The following PDE3A variants were observed in gnomAD, a reference collection of about 807,000 sequenced individuals.
The protein encoded by PDE3A is phosphodiesterase 3A, also known as cGMP-inhibited 3',5'-cyclic phosphodiesterase 3A.
PDE3A carries 43 observed loss-of-function variants against 98.3 expected under a neutral mutation model. The observed-to-expected ratio is 0.44, with a 90% confidence interval of 0.34 to 0.56. The LOEUF is 0.56. Ranked by LOEUF, PDE3A falls within the 20% of genes least tolerant of loss-of-function variation. The pLI is 0.01. For missense variants in PDE3A, 1,427 were observed against 1,440.7 expected (o/e 0.99, Z 0.15); for synonymous variants, 663 against 567.9 (o/e 1.17, Z -2.38).
At chr12:20,462,509 C>G (rs1053771355) in intron 1 of PDE3A, among the ~76,000 whole-genome samples, 1 of 151,996 alleles carries the variant, frequency 6.6e-6, no homozygotes, top group African/African-American at 2.4e-5. Flanking sequence ...CAACAAAAAT[C>G]GAATTTTTTT....
chr12:20,478,690 T>C (rs984336630), intron 1 of PDE3A, among the ~76,000 whole-genome samples: 1 of 152,202 alleles, frequency 6.6e-6, no homozygotes, highest in Non-Finnish European at 1.5e-5. Flanking sequence ...TGAAATATAA[T>C]TAAAATGACA....
intron 2 of PDE3A, among the ~76,000 whole-genome samples, chr12:20,588,106 G>A (rs1426095238): frequency 6.6e-6 from 1 of 152,186 alleles, no homozygotes; most frequent in Admixed American, 6.5e-5. Context: ...CAAAATTGGA[G>A]GTGGAAGAGA....
chr12:20,536,910 G>A (rs1941763621), intron 1 of PDE3A, among the ~76,000 whole-genome samples: 1 of 152,090 alleles, frequency 6.6e-6, no homozygotes, highest in South Asian at 2.1e-4. Flanking sequence ...ACATCTAGAA[G>A]TGAAATTGCT....
At chr12:20,570,439 G>C (rs1162933828) in intron 2 of PDE3A, among the ~76,000 whole-genome samples, 1 of 71,710 alleles carries the variant, frequency 1.4e-5, no homozygotes, top group Non-Finnish European at 2.8e-5. Context: ...AAAAAAAAAA[G>C]GTGTAAAGGG....
rs753861602 is a variant in PDE3A, at chr12:20,613,554, A to G, written c.1123A>G (p.Arg375Gly). Reference protein sequence around the residue: ...SLPPNVCTSLRAVSNLLSTQL... With the variant: ...SLPPNVCTSLGAVSNLLSTQL... ...TCCACCAAACGTGTGCACATCCTTGAGAGCCGTGAGCAACTTGCTCAGCAC... is the reference window on the plus strand; with the variant it reads ...TCCACCAAACGTGTGCACATCCTTGGGAGCCGTGAGCAACTTGCTCAGCAC... The change falls in exon 3 of 16, where the codon AGA (arginine) becomes GGA (glycine). Residue 375 changes from arginine (R) to glycine (G), a missense_variant. Around this residue, in one of 3 missense-constraint regions of PDE3A, gnomAD observed 1,012 missense variants for 886.5 expected, o/e 1.14. Transcript: ENST00000359062. 47 of 1,614,158 alleles carry G rather than the reference A, an allele frequency of 2.9e-5. No individual in the cohort carries two copies. The highest frequency in any genetic ancestry group is 3.8e-5 in the Non-Finnish European group (45 of 1,180,002).
chr12:20,551,860 A>G (rs1942212981), intron 1 of PDE3A: 9 of 1,613,608 alleles, frequency 5.6e-6, no homozygotes, highest in African/African-American at 4.0e-5. Context: ...CAAGGAATGT[A>G]CCATCATCCC....
Position 20,589,524 on chromosome 12 carries a change from G to T in PDE3A, c.1012-23919G>T, listed in dbSNP as rs1172084053. Among the ~76,000 whole-genome samples the T allele has an allele frequency of 2.0e-5, 3 of 152,188 alleles. No individual in the cohort carries two copies. The East Asian group carries it at 5.8e-4, about 29-fold the overall frequency. On this transcript the variant is annotated intron_variant, in intron 2 of 15. Coordinates refer to ENST00000359062, the MANE Select transcript of PDE3A (RefSeq NM_000921.5). ...TCTGTGCATTATGCTGAGATAAAAA[G>T]CAGCAAGTATACCAAGAGCTTTGGA...
chr12:20,432,208 A>G (rs1944710003), intron 1 of PDE3A, among the ~76,000 whole-genome samples: 1 of 152,220 alleles, frequency 6.6e-6, no homozygotes, highest in Non-Finnish European at 1.5e-5. Context: ...CAATGATGGA[A>G]AAGCAAATAA....
At chr12:20,487,239 T>A (rs907503336) in intron 1 of PDE3A, among the ~76,000 whole-genome samples, 5 of 152,168 alleles carry the variant, frequency 3.3e-5, no homozygotes, top group African/African-American at 1.2e-4. Context: ...TATGAATGAA[T>A]GTATGCCCAA....
chr12:20,568,326 A>G (rs988264394), intron 2 of PDE3A, among the ~76,000 whole-genome samples: 1 of 152,006 alleles, frequency 6.6e-6, no homozygotes, highest in Non-Finnish European at 1.5e-5. Flanking sequence ...AACATCAACT[A>G]TTTTTATCTG....
At chr12:20,621,970 T>C (rs188220258) in intron 5 of PDE3A, among the ~76,000 whole-genome samples, 64 of 152,240 alleles carry the variant, frequency 4.2e-4, no homozygotes, top group African/African-American at 1.5e-3. Flanking sequence ...GCCTTTCCCC[T>C]AGAAGCCCAA....
intron 1 of PDE3A, among the ~76,000 whole-genome samples, chr12:20,511,458 G>A (rs942958172): frequency 6.7e-6 from 1 of 148,314 alleles, no homozygotes; most frequent in African/African-American, 2.5e-5. Context: ...ACACACACAC[G>A]ATGGTGATAT....
chr12:20,522,277 A>G (rs1946444198), intron 1 of PDE3A, among the ~76,000 whole-genome samples: 1 of 152,104 alleles, frequency 6.6e-6, no homozygotes, highest in African/African-American at 2.4e-5. Flanking sequence ...AGTGTTTTTC[A>G]AAGTGTGGTT....
chr12:20,560,483 T>TTAGTGAAC (rs1942485965), intron 2 of PDE3A, among the ~76,000 whole-genome samples: 1 of 151,982 alleles, frequency 6.6e-6, no homozygotes, highest in Non-Finnish European at 1.5e-5. Context: ...TAGGAGGACA[T>TTAGTGAAC]TAGTGAACTT....
At position 20,683,699 on chromosome 12, in the gene PDE3A, C is replaced by T. The variant is rs1395371924; in HGVS notation, c.*3428C>T. The T allele has an allele frequency of 6.6e-6, 1 of 152,108 alleles. No homozygotes were observed. Among genetic ancestry groups the T allele is most frequent in the African/African-American group, 2.4e-5 (1 of 41,438 alleles). The allele number at this position is 152,108 out of a possible 1,614,324, so 9.4% of individuals were successfully genotyped here. On this transcript the variant is annotated 3_prime_UTR_variant, in exon 16 of 16. Transcript: ENST00000359062. ...TCTCAATAAAAGATGAAGACAGTAGCTCTGTACAGGGATATATCTATATTA... is the reference window on the plus strand; with the variant it reads ...TCTCAATAAAAGATGAAGACAGTAGTTCTGTACAGGGATATATCTATATTA...
intron 2 of PDE3A, among the ~76,000 whole-genome samples, chr12:20,583,277 T>G (rs917536530): frequency 1.3e-5 from 2 of 152,190 alleles, no homozygotes; most frequent in African/African-American, 4.8e-5. Flanking sequence ...AAACTTTATT[T>G]TTTAAATCAT....
At chr12:20,530,665 G>T (rs1946608840) in intron 1 of PDE3A, among the ~76,000 whole-genome samples, 1 of 151,800 alleles carries the variant, frequency 6.6e-6, no homozygotes, top group Admixed American at 6.6e-5. Context: ...TGGTGCTATG[G>T]AAAAGTATTG....
intron 2 of PDE3A, among the ~76,000 whole-genome samples, chr12:20,586,890 T>C (rs1943209927): frequency 6.7e-6 from 1 of 148,260 alleles, no homozygotes; most frequent in Non-Finnish European, 1.5e-5. Flanking sequence ...ATCAGTAATA[T>C]ATAGAATCTC....
At chr12:20,586,615 G>C (rs1943203885) in intron 2 of PDE3A, among the ~76,000 whole-genome samples, 1 of 152,154 alleles carries the variant, frequency 6.6e-6, no homozygotes, top group South Asian at 2.1e-4. Context: ...TTAACTTGAG[G>C]AACTCAGAGC....
Sources: gnomAD v4.1 joint callset for allele counts (sites outside exome capture counted in the v4.1 genomes callset) on GRCh38, gnomAD v4.1.1 for gene constraint, gnomAD v4.1.1 regional missense constraint, MANE v1.5 for transcripts, NCBI Gene and HGNC (gene_info 2026-07-23, HGNC 2026-07-21) for gene names.